Variants in RBFOX1 observed in about 807,000 individuals in gnomAD.
RBFOX1 encodes the protein RNA binding protein fox-1 homolog 1.
In RBFOX1, 8 loss-of-function variants were observed where a neutral mutation model predicts 57.7. That is an observed-to-expected ratio of 0.14 (90% CI 0.08 to 0.25). The LOEUF (loss-of-function observed/expected upper bound fraction) is 0.25, where lower values mean the gene tolerates loss of function less well. Among genes scored for constraint, RBFOX1 ranks in the 10% least tolerant of loss-of-function variants. RBFOX1 has a pLI of 1.00. For missense variants in RBFOX1, 611 were observed against 548.5 expected (o/e 1.11, Z -1.14); for synonymous variants, 326 against 222.4 (o/e 1.47, Z -4.15).
intron 10 of RBFOX1, among the ~76,000 whole-genome samples, chr16:7,622,405 T>G (rs956147921): frequency 2.6e-5 from 4 of 152,214 alleles, no homozygotes; most frequent in African/African-American, 9.6e-5. Flanking sequence ...ATTGTTAGGT[T>G]TATCATATTA....
intron 2 of RBFOX1, among the ~76,000 whole-genome samples, chr16:6,600,461 A>C (rs1244485333): frequency 6.6e-6 from 1 of 152,236 alleles, no homozygotes; most frequent in Admixed American, 6.5e-5. Flanking sequence ...GACTTCTGGC[A>C]TTCTGAAAAG....
rs1567631282 is a variant in RBFOX1, at chr16:5,856,239, G to GTA, written c.319-11063_319-11062insAT. On this transcript the variant is annotated intron_variant, in intron 3 of 19. Transcript: ENST00000641259. The stretch of plus-strand genomic sequence containing the variant: ...TATGTATATATATATGTATATATAT[G>GTA]TGTATATATATGTATATATATGTAT... Among the ~76,000 whole-genome samples the GTA allele has an allele frequency of 4.2e-4, 10 of 23,812 alleles. 1 individual carries two copies. The highest frequency in any genetic ancestry group is 1.0e-3 in the African/African-American group (7 of 6,808). 15.6% of individuals were successfully genotyped at this position (23,812 alleles called of 152,430 possible).
At chr16:6,000,229 G>C (rs1408510660) in intron 4 of RBFOX1, among the ~76,000 whole-genome samples, 4 of 152,114 alleles carry the variant, frequency 2.6e-5, no homozygotes, top group Admixed American at 2.0e-4. Flanking sequence ...CCCCTGGTGC[G>C]ATGCTTCCTC....
chr16:7,241,887 T>C (rs2094083655), intron 4 of RBFOX1, among the ~76,000 whole-genome samples: 2 of 152,142 alleles, frequency 1.3e-5, no homozygotes, highest in Non-Finnish European at 1.5e-5. Flanking sequence ...TATACTTATA[T>C]GTGATTTGTG....
chr16:7,298,056 T>C lies in RBFOX1; in HGVS notation c.28-220091T>C, dbSNP rs532686972. ...ATTTTTCACATGTGAAATTTTGTTA[T>C]CTATATCCTGAAACTTCTTAGAGAA... On this transcript the variant is annotated intron_variant, in intron 4 of 15. Transcript: ENST00000550418. 3.1e-4 allele frequency among the ~76,000 whole-genome samples: 47 copies of C among 152,306 alleles called. No individual in the cohort carries two copies. In the South Asian group the frequency reaches 8.7e-3, roughly 28 times the overall value.
chr16:5,414,188 A>G (rs1217448180), intron 1 of RBFOX1, among the ~76,000 whole-genome samples: 1 of 152,142 alleles, frequency 6.6e-6, no homozygotes, highest in African/African-American at 2.4e-5. Context: ...TGATCACTTG[A>G]TTGGCTACAA....
chr16:7,607,618 A>G (rs990932773), intron 10 of RBFOX1, among the ~76,000 whole-genome samples: 1 of 152,194 alleles, frequency 6.6e-6, no homozygotes, highest in African/African-American at 2.4e-5. Flanking sequence ...ACTTTGTTCA[A>G]TAGTGTATTG....
At chr16:5,335,988 T>C (rs947385685) in intron 1 of RBFOX1, among the ~76,000 whole-genome samples, 1 of 152,136 alleles carries the variant, frequency 6.6e-6, no homozygotes, top group Non-Finnish European at 1.5e-5. Flanking sequence ...TAGGAATTAT[T>C]ATTAGTCCAA....
intron 1 of RBFOX1, among the ~76,000 whole-genome samples, chr16:6,274,744 A>G (rs1400951655): frequency 1.3e-5 from 2 of 152,206 alleles, no homozygotes; most frequent in Non-Finnish European, 2.9e-5. Context: ...ATATGAATCT[A>G]GAATTATCTC....
At chr16:6,196,771 A>G (rs1598285893) in intron 1 of RBFOX1, among the ~76,000 whole-genome samples, 1 of 151,892 alleles carries the variant, frequency 6.6e-6, no homozygotes, top group East Asian at 1.9e-4. Context: ...CAATCCTTAT[A>G]TATCATGCTA....
chr16:6,490,475 G>A (rs1362393647), intron 2 of RBFOX1, among the ~76,000 whole-genome samples: 3 of 152,176 alleles, frequency 2.0e-5, no homozygotes, highest in African/African-American at 4.8e-5. Context: ...TCTGACAGGC[G>A]TCCATTTCAT....
At chr16:7,650,996 T>C (rs571699842) in intron 11 of RBFOX1, among the ~76,000 whole-genome samples, 1 of 152,258 alleles carries the variant, frequency 6.6e-6, no homozygotes, top group African/African-American at 2.4e-5. Flanking sequence ...TGCCACGTGA[T>C]CCAAGAAACT....
In RBFOX1 at chr16:5,454,545, T is replaced by C. The variant is rs189381517; in HGVS notation, c.220-12671T>C. On this transcript the variant is annotated intron_variant, in intron 1 of 2. Transcript: ENST00000585867. ...ATGTGGGTGGGCTGTATCCAATCAGTTGAAGGCCTGAATAGAAGAAAAGAT... is the reference window on the plus strand; with the variant it reads ...ATGTGGGTGGGCTGTATCCAATCAGCTGAAGGCCTGAATAGAAGAAAAGAT... Among the ~76,000 whole-genome samples, 642 of 152,238 alleles carry C rather than the reference T, an allele frequency of 4.2e-3. 8 individuals are homozygous for C. In the Middle Eastern group the frequency reaches 0.065, roughly 15 times the overall value.
At chr16:5,489,632 T>C (rs1033876286) in intron 2 of RBFOX1, among the ~76,000 whole-genome samples, 16 of 152,218 alleles carry the variant, frequency 1.1e-4, no homozygotes, top group Admixed American at 3.9e-4. Context: ...GTATTATTGT[T>C]GCTATAATTA....
At chr16:5,754,491 T>G (rs1266543828) in intron 3 of RBFOX1, among the ~76,000 whole-genome samples, 2 of 144,698 alleles carry the variant, frequency 1.4e-5, no homozygotes, top group African/African-American at 5.2e-5. Flanking sequence ...GAGAAAGAAA[T>G]AAGGGGACCC....
chr16:5,759,968 C>T (rs993029085), intron 3 of RBFOX1, among the ~76,000 whole-genome samples: 4 of 149,160 alleles, frequency 2.7e-5, no homozygotes, highest in Non-Finnish European at 1.5e-5. Context: ...ATGTAGGTTT[C>T]TATAATCTTG....
intron 4 of RBFOX1, among the ~76,000 whole-genome samples, chr16:5,876,896 C>T (rs1388279974): frequency 6.6e-6 from 1 of 152,112 alleles, no homozygotes; most frequent in African/African-American, 2.4e-5. Flanking sequence ...CAGACTCAGC[C>T]ACAGTGGTGG....
At position 7,314,343 on chromosome 16, in the gene RBFOX1, G is replaced by T. The variant is rs569918805; in HGVS notation, c.28-203804G>T. On this transcript the variant is annotated intron_variant, in intron 4 of 15. Coordinates refer to ENST00000550418, the MANE Select transcript of RBFOX1 (RefSeq NM_018723.4). The stretch of plus-strand genomic sequence containing the variant: ...GGTCGTGTTCATAACGGAATTTCAG[G>T]GAGTGGGGTCCTGCCTTGCCATGCT... 9.9e-5 allele frequency among the ~76,000 whole-genome samples: 15 copies of T among 152,242 alleles called. No individual in the cohort carries two copies. In the South Asian group the frequency reaches 3.1e-3, roughly 32 times the overall value.
chr16:7,641,384 G>C (rs2062761649), intron 11 of RBFOX1, among the ~76,000 whole-genome samples: 1 of 152,160 alleles, frequency 6.6e-6, no homozygotes, highest in Admixed American at 6.6e-5. Context: ...CTTAAATCAT[G>C]TTTTTATATA....
Sources: allele counts gnomAD v4.1 joint callset (sites outside exome capture counted in the v4.1 genomes callset), GRCh38; gene constraint gnomAD v4.1.1; transcripts MANE v1.5; gene names NCBI Gene and HGNC (gene_info 2026-07-23, HGNC 2026-07-21).